The following EPB41L5 variants were observed in gnomAD, a reference collection of about 807,000 sequenced individuals.
EPB41L5 encodes the protein band 4.1-like protein 5.
Under a neutral mutation model 106.6 loss-of-function variants are expected in EPB41L5, and 55 were observed. The observed-to-expected ratio is 0.52, with a 90% CI of 0.42 to 0.65. The LOEUF is 0.65. EPB41L5 is among the 30% of genes least tolerant of loss of function. The pLI is 0.00. For synonymous variants in EPB41L5, 297 were observed against 306.7 expected (o/e 0.97, Z 0.33); for missense variants, 871 against 882.1 (o/e 0.99, Z 0.16).
At chr2:120,092,822 T>G (rs894919487) in intron 13 of EPB41L5, among the ~76,000 whole-genome samples, 4 of 152,230 alleles carry the variant, frequency 2.6e-5, no homozygotes, top group African/African-American at 9.6e-5. Flanking sequence ...GCTTACAGAT[T>G]GGTTCTGTTT....
At chr2:120,084,089 A>T (rs1373774767) in intron 10 of EPB41L5, among the ~76,000 whole-genome samples, 1 of 152,176 alleles carries the variant, frequency 6.6e-6, no homozygotes, top group East Asian at 1.9e-4. Context: ...TGGAGCATTT[A>T]GCCCATTTAC....
In EPB41L5 at chr2:120,134,006, G is replaced by A. The variant is rs190783265; in HGVS notation, c.1599+2291G>A. Among the ~76,000 whole-genome samples, 424 of 152,218 alleles carry A rather than the reference G, an allele frequency of 2.8e-3. 3 individuals are homozygous for A. Among genetic ancestry groups the A allele is most frequent in the African/African-American group, 9.6e-3 (399 of 41,532 alleles). On this transcript the variant is annotated intron_variant, in intron 18 of 24. Coordinates refer to ENST00000263713, the MANE Select transcript of EPB41L5 (RefSeq NM_020909.4). ...GACATTTCTAGACATACCATGGGCC[G>A]GAAGGGAACCTGCTGTCTTGAGGGA...
At chr2:120,147,266 G>A (rs920159432) in intron 20 of EPB41L5, among the ~76,000 whole-genome samples, 2 of 152,144 alleles carry the variant, frequency 1.3e-5, no homozygotes, top group African/African-American at 4.8e-5. Flanking sequence ...GGACAATCTC[G>A]TGAGCCCAGG....
chr2:120,058,241 A>G (rs1680791033), intron 3 of EPB41L5, among the ~76,000 whole-genome samples: 1 of 152,188 alleles, frequency 6.6e-6, no homozygotes, highest in Non-Finnish European at 1.5e-5. Context: ...GCTGGAGTGC[A>G]GTGGCATGAT....
intron 16 of EPB41L5, among the ~76,000 whole-genome samples, chr2:120,102,734 A>G (rs1684224575): frequency 6.6e-6 from 1 of 152,192 alleles, no homozygotes. Flanking sequence ...TTTTGCTGGT[A>G]TCTTTTAAAT....
chr2:120,113,614 C>G (rs1248923613), intron 16 of EPB41L5, among the ~76,000 whole-genome samples: 4 of 152,170 alleles, frequency 2.6e-5, no homozygotes, highest in African/African-American at 9.7e-5. Flanking sequence ...CTATTTAATT[C>G]CGTAACATTT....
intron 15 of EPB41L5, 83 bp from the exon 16 acceptor site, chr2:120,100,616 A>G: frequency 1.0e-6 from 1 of 956,434 alleles, no homozygotes; most frequent in Non-Finnish European, 1.7e-6. Context: ...TGGCTTTGTA[A>G]ATAGTACTCC....
At chr2:120,069,328 T>C (rs998033030) in intron 3 of EPB41L5, among the ~76,000 whole-genome samples, 6 of 151,980 alleles carry the variant, frequency 3.9e-5, no homozygotes, top group African/African-American at 1.5e-4. Flanking sequence ...AAGCAAGTTC[T>C]TAGAGACCTA....
intron 20 of EPB41L5, among the ~76,000 whole-genome samples, chr2:120,148,431 C>T (rs1283692298): frequency 2.0e-5 from 3 of 151,278 alleles, no homozygotes; most frequent in Non-Finnish European, 3.0e-5. Flanking sequence ...GGTCTTCATA[C>T]TCACTAGGAT....
chr2:120,078,652 TA>T, intron 10 of EPB41L5, 71 bp downstream of exon 10: 2 of 1,002,292 alleles, frequency 2.0e-6, no homozygotes, highest in Admixed American at 2.3e-5. Flanking sequence ...AGTTAATACA[TA>T]AACAAGTTTG....
rs2105494482 is a variant in EPB41L5, at chr2:120,143,026, G to C, written c.1623G>C (p.Glu541Asp). 1 of 1,612,876 alleles carries C rather than the reference G, an allele frequency of 6.2e-7. No individual in the cohort carries two copies. The highest frequency in any genetic ancestry group is 8.5e-7 in the Non-Finnish European group (1 of 1,179,150). Reference protein sequence around the residue: ...NSQEEVVKLTEKCLNNVIESP... With the variant: ...NSQEEVVKLTDKCLNNVIESP... The stretch of plus-strand genomic sequence containing the variant: ...AGGAGGAAGTGGTGAAGTTGACTGA[G>C]AAATGCCTTAATAATGTCATTGAGA... The change falls in exon 19 of 25, where the codon GAG becomes GAC. Residue 541 changes from glutamate to aspartate, a missense_variant. By Grantham distance (45) the Glu-to-Asp change is conservative (BLOSUM62 2). Transcript: ENST00000263713.
chr2:120,043,048 T>TGTGTGTGTGTGTGTGTG (rs1679516193), intron 3 of EPB41L5, among the ~76,000 whole-genome samples: 1 of 112,146 alleles, frequency 8.9e-6, no homozygotes, highest in African/African-American at 3.3e-5. Flanking sequence ...TGTGTGTGTG[T>TGTGTGTGTGTGTGTGTG]TTAGAGGGGA....
chr2:120,146,427 G>A, intron 20 of EPB41L5, 138 bp downstream of exon 20: 1 of 574,716 alleles, frequency 1.7e-6, no homozygotes, highest in Non-Finnish European at 3.1e-6. Context: ...ATCCATTACA[G>A]ACCACTTAGT....
At chr2:120,089,122 A>T (rs1372977047) in intron 11 of EPB41L5, among the ~76,000 whole-genome samples, 2 of 152,198 alleles carry the variant, frequency 1.3e-5, no homozygotes, top group Non-Finnish European at 2.9e-5. Context: ...TAATTATCAA[A>T]TCAGGGTAAT....
intron 16 of EPB41L5, among the ~76,000 whole-genome samples, chr2:120,111,935 G>T (rs1310740262): frequency 2.6e-5 from 4 of 152,046 alleles, no homozygotes; most frequent in African/African-American, 9.7e-5. Flanking sequence ...AACATACCAA[G>T]CATGTTCTCT....
chr2:120,105,325 T>G, intron 16 of EPB41L5: 4 of 959,982 alleles, frequency 4.2e-6, no homozygotes, highest in Non-Finnish European at 5.0e-6. Flanking sequence ...CATAGAAATT[T>G]ATAGATATTT....
intron 2 of EPB41L5, among the ~76,000 whole-genome samples, chr2:120,027,175 A>AACAGTT (rs1678384940): frequency 1.3e-5 from 2 of 152,266 alleles, no homozygotes; most frequent in Non-Finnish European, 2.9e-5. Context: ...CACCTGACCC[A>AACAGTT]ACAGTTACAT....
chr2:120,113,880 G>A (rs1218297511), intron 16 of EPB41L5, among the ~76,000 whole-genome samples: 2 of 152,118 alleles, frequency 1.3e-5, no homozygotes, highest in Non-Finnish European at 2.9e-5. Context: ...CTTGTATGAT[G>A]CCCAGTGTTT....
chr2:120,090,699 A>G (rs1340555230), intron 12 of EPB41L5, among the ~76,000 whole-genome samples, 183 bp downstream of exon 12: 1 of 152,200 alleles, frequency 6.6e-6, no homozygotes, highest in Non-Finnish European at 1.5e-5. Flanking sequence ...AATTTCTTGA[A>G]TAGATGCGTA....
Sources: allele counts gnomAD v4.1 joint callset (sites outside exome capture counted in the v4.1 genomes callset), GRCh38; gene constraint gnomAD v4.1.1; transcripts MANE v1.5; gene names NCBI Gene and HGNC (gene_info 2026-07-23, HGNC 2026-07-21).